The following SHISA9 variants were observed in gnomAD, a reference collection of about 807,000 sequenced individuals.
SHISA9 encodes protein shisa-9.
SHISA9 carries 13 observed loss-of-function variants against 38.0 expected under a neutral mutation model. That is an observed-to-expected ratio of 0.34 (90% CI 0.22 to 0.54). The LOEUF is 0.54. Ranked by LOEUF, SHISA9 falls within the 20% of genes least tolerant of loss-of-function variation. The pLI is 0.91. For synonymous variants in SHISA9, 275 were observed against 242.0 expected, an observed-to-expected ratio of 1.14 and a Z score of -1.27; for missense variants, 538 against 575.8, an observed-to-expected ratio of 0.93 and a Z score of 0.67.
the SHISA9 span, among the ~76,000 whole-genome samples, chr16:13,524,007 A>G: frequency 1.3e-5 from 2 of 152,152 alleles, no homozygotes; most frequent in African/African-American, 2.4e-5. Context: ...AAAATGCAGA[A>G]TTTACCTAGA....
At chr16:13,482,993 G>T in the SHISA9 span, among the ~76,000 whole-genome samples, 1 of 152,114 alleles carries the variant, frequency 6.6e-6, no homozygotes, top group Non-Finnish European at 1.5e-5. Flanking sequence ...ATGTTTACTG[G>T]GAGCCAAGAG....
chr16:13,195,667 TA>T (rs2050931085), intron 2 of SHISA9, among the ~76,000 whole-genome samples: 1 of 152,316 alleles, frequency 6.6e-6, no homozygotes, highest in South Asian at 2.1e-4. Context: ...GGCAATAGTT[TA>T]ACATCAATAG....
chr16:13,172,001 G>A (rs1305165898), intron 2 of SHISA9, among the ~76,000 whole-genome samples: 1 of 152,084 alleles, frequency 6.6e-6, no homozygotes, highest in Non-Finnish European at 1.5e-5. Context: ...TGTTTGGTAT[G>A]CTGGATGTAT....
chr16:12,960,823 C>T (rs1399654268), intron 2 of SHISA9, among the ~76,000 whole-genome samples: 1 of 152,136 alleles, frequency 6.6e-6, no homozygotes, highest in African/African-American at 2.4e-5. Context: ...TCCTTCTTCC[C>T]TATCTCAGCC....
At chr16:12,977,467 T>C (rs575582731) in intron 2 of SHISA9, among the ~76,000 whole-genome samples, 42 of 152,282 alleles carry the variant, frequency 2.8e-4, no homozygotes, top group Non-Finnish European at 5.0e-4. Context: ...CATTACTGGG[T>C]ATATACCCAA....
intron 2 of SHISA9, among the ~76,000 whole-genome samples, chr16:13,007,816 CT>C (rs1190515918): frequency 6.6e-6 from 1 of 151,692 alleles, no homozygotes; most frequent in African/African-American, 2.4e-5. Flanking sequence ...CCTCACACCC[CT>C]CTTGTGCCCT....
At chr16:13,549,710 G>A in the SHISA9 span, among the ~76,000 whole-genome samples, 2 of 152,060 alleles carry the variant, frequency 1.3e-5, no homozygotes, top group African/African-American at 2.4e-5. Context: ...ATTTTAGATC[G>A]TGTATACAAG....
intron 2 of SHISA9, among the ~76,000 whole-genome samples, chr16:13,038,499 A>G (rs937004266): frequency 1.2e-4 from 19 of 152,052 alleles, no homozygotes; most frequent in Non-Finnish European, 1.2e-4. Context: ...AGGTCCTCCA[A>G]TGTGAGCCTT....
the SHISA9 span, among the ~76,000 whole-genome samples, chr16:13,546,500 G>A: frequency 6.6e-6 from 1 of 152,182 alleles, no homozygotes; most frequent in Non-Finnish European, 1.5e-5. Flanking sequence ...ATTCTCATCA[G>A]TAGTAAGTCA....
At chr16:13,015,685 G>A (rs979033094) in intron 2 of SHISA9, among the ~76,000 whole-genome samples, 1 of 152,058 alleles carries the variant, frequency 6.6e-6, no homozygotes, top group African/African-American at 2.4e-5. Flanking sequence ...GAAGGGGACT[G>A]TTACCCTATG....
chr16:13,342,038 A>C, the SHISA9 span, among the ~76,000 whole-genome samples: 6 of 152,036 alleles, frequency 3.9e-5, no homozygotes, highest in African/African-American at 1.4e-4. Context: ...ATAGTTCCCA[A>C]ATCTACCCAC....
chr16:13,459,558 G>C, the SHISA9 span, among the ~76,000 whole-genome samples: 1 of 152,210 alleles, frequency 6.6e-6, no homozygotes, highest in Non-Finnish European at 1.5e-5. Flanking sequence ...ATCAGCCTTA[G>C]TCAAATTATT....
the SHISA9 span, among the ~76,000 whole-genome samples, chr16:13,542,945 C>T: frequency 6.6e-6 from 1 of 152,210 alleles, no homozygotes; most frequent in African/African-American, 2.4e-5. Flanking sequence ...GGTTTACACA[C>T]TACCAGCTTA....
chr16:13,207,575 A>G (rs1054061541), intron 3 of SHISA9, among the ~76,000 whole-genome samples: 17 of 151,786 alleles, frequency 1.1e-4, no homozygotes, highest in African/African-American at 4.1e-4. Context: ...GATGGGGTTG[A>G]TGTACCCCCT....
intron 2 of SHISA9, among the ~76,000 whole-genome samples, chr16:13,176,746 T>C (rs993328198): frequency 6.6e-6 from 1 of 152,118 alleles, no homozygotes; most frequent in Non-Finnish European, 1.5e-5. Context: ...AGGCTTATTG[T>C]TATATTATAA....
At chr16:13,041,718 C>T (rs2073133736) in intron 2 of SHISA9, among the ~76,000 whole-genome samples, 1 of 152,094 alleles carries the variant, frequency 6.6e-6, no homozygotes, top group Non-Finnish European at 1.5e-5. Flanking sequence ...CGTGCCTGGG[C>T]CAGCAGTTCT....
intron 2 of SHISA9, among the ~76,000 whole-genome samples, chr16:13,088,913 T>G (rs1331871052): frequency 6.6e-6 from 1 of 152,202 alleles, no homozygotes; most frequent in Non-Finnish European, 1.5e-5. Flanking sequence ...ATGCTTCCAC[T>G]TTTTGCCCAT....
rs538110038 is a variant in SHISA9, at chr16:13,045,524, T to C, written c.691+128709T>C. Among the ~76,000 whole-genome samples, 28 of 151,870 alleles carry C rather than the reference T, an allele frequency of 1.8e-4. No homozygotes were observed. The South Asian group carries it at 5.8e-3, about 32-fold the overall frequency. On this transcript the variant is annotated intron_variant, in intron 2 of 4. Coordinates refer to ENST00000558583, the MANE Select transcript of SHISA9 (RefSeq NM_001145204.3). The stretch of plus-strand genomic sequence containing the variant: ...TATTTATTGAGCATCTACTACATGC[T>C]TGGCTCTGTTGAAAACTCTGGAGTT...
the SHISA9 span, among the ~76,000 whole-genome samples, chr16:13,447,971 C>A: frequency 6.6e-6 from 1 of 152,164 alleles, no homozygotes; most frequent in South Asian, 2.1e-4. Context: ...GCTCCAAAGT[C>A]ACTTAGAGAG....
Sources: allele counts gnomAD v4.1 joint callset (sites outside exome capture counted in the v4.1 genomes callset), GRCh38; gene constraint gnomAD v4.1.1; transcripts MANE v1.5; gene names NCBI Gene and HGNC (gene_info 2026-07-23, HGNC 2026-07-21).